The following ATP6V1A variants were observed in gnomAD, a reference collection of about 807,000 sequenced individuals.
ATP6V1A encodes V-type proton ATPase catalytic subunit A.
In ATP6V1A, 18 loss-of-function variants were observed where a neutral mutation model predicts 70.1. That is an observed-to-expected ratio of 0.26 (90% CI 0.18 to 0.38). ATP6V1A has a LOEUF of 0.38. Ranked by LOEUF, ATP6V1A falls within the 10% of genes least tolerant of loss-of-function variation. The pLI is 1.00. For missense variants in ATP6V1A, 424 were observed against 772.4 expected, an observed-to-expected ratio of 0.55 and a Z score of 5.35; for synonymous variants, 232 against 253.8, an observed-to-expected ratio of 0.91 and a Z score of 0.82.
At chr3:113,809,016 G>A (rs1274851955) in intron 14 of ATP6V1A, among the ~76,000 whole-genome samples, 1 of 151,986 alleles carries the variant, frequency 6.6e-6, no homozygotes, top group Non-Finnish European at 1.5e-5. Flanking sequence ...TTGGGAGGCC[G>A]AGGCAAGTGG....
intron 1 of ATP6V1A, among the ~76,000 whole-genome samples, chr3:113,767,514 C>T (rs532264386): frequency 6.6e-6 from 1 of 152,260 alleles, no homozygotes; most frequent in South Asian, 2.1e-4. Flanking sequence ...ATACTTGAAT[C>T]CGTACATCAG....
chr3:113,757,918 G>T (rs1708662953), intron 1 of ATP6V1A, among the ~76,000 whole-genome samples: 1 of 152,176 alleles, frequency 6.6e-6, no homozygotes, highest in Non-Finnish European at 1.5e-5. Context: ...GGCCAAGGTG[G>T]GTGGATCACG....
chr3:113,747,349 C>A lies in ATP6V1A; in HGVS notation c.-14+236C>A, dbSNP rs1708534753. 2.0e-5 allele frequency: 3 copies of A among 152,340 alleles called. No individual in the cohort carries two copies. In the South Asian group the frequency reaches 6.2e-4, roughly 32 times the overall value. 9.4% of individuals were successfully genotyped at this position (152,340 alleles called of 1,614,324 possible). On this transcript the variant is annotated intron_variant, in intron 1 of 14. Transcript: ENST00000273398. ...TTCCCAGGGTTGGAAGTGAGTGCGG[C>A]CATTATGGTTCCCTACTCAGAGCCT... is the stretch of plus-strand genomic sequence containing the variant.
At chr3:113,808,543 C>T (rs1442611320) in intron 14 of ATP6V1A, among the ~76,000 whole-genome samples, 7 of 151,992 alleles carry the variant, frequency 4.6e-5, no homozygotes, top group Admixed American at 2.0e-4. Context: ...TCGCCTGCCT[C>T]GGCCCCCCAA....
intron 14 of ATP6V1A, 41 bp downstream of exon 14, chr3:113,805,566 G>T: frequency 6.4e-7 from 1 of 1,552,040 alleles, no homozygotes; most frequent in Non-Finnish European, 8.8e-7. Context: ...ATTTGGAAAT[G>T]CTTCTTTTTT....
At chr3:113,804,367 C>T (rs1238935166) in intron 13 of ATP6V1A, among the ~76,000 whole-genome samples, 1 of 152,076 alleles carries the variant, frequency 6.6e-6, no homozygotes, top group Non-Finnish European at 1.5e-5. Context: ...CCTCATTTCC[C>T]AAGAGTCCTA....
At chr3:113,785,632 C>T (rs950001871) in intron 5 of ATP6V1A, among the ~76,000 whole-genome samples, 2 of 150,020 alleles carry the variant, frequency 1.3e-5, no homozygotes, top group Non-Finnish European at 3.0e-5. Flanking sequence ...CCTCAGCCTC[C>T]CAAGTACCTG....
intron 8 of ATP6V1A, among the ~76,000 whole-genome samples, chr3:113,790,942 T>C (rs1709085999): frequency 6.6e-6 from 1 of 152,172 alleles, no homozygotes; most frequent in Admixed American, 6.5e-5. Context: ...CCTCTTTTTT[T>C]CCTTTTGTAG....
intron 1 of ATP6V1A, among the ~76,000 whole-genome samples, chr3:113,761,130 G>A (rs1708700590): frequency 6.7e-6 from 1 of 149,026 alleles, no homozygotes; most frequent in Non-Finnish European, 1.5e-5. Flanking sequence ...TTTTGAGACA[G>A]GGTCTCACTG....
intron 14 of ATP6V1A, among the ~76,000 whole-genome samples, chr3:113,808,209 T>C (rs552787937): frequency 1.3e-5 from 2 of 150,946 alleles, no homozygotes; most frequent in African/African-American, 4.9e-5. Flanking sequence ...GTGTAGTTGG[T>C]TTTGTGCATT....
At position 113,805,555 on chromosome 3, in the gene ATP6V1A, T is replaced by C. The variant is rs200858422; in HGVS notation, c.1761+30T>C. On this transcript the variant is annotated intron_variant, in intron 14 of 14. Transcript: ENST00000273398. ...ATTTTGTTTCTGCTGTAACTTTTTT[T>C]ATTTGGAAATGCTTCTTTTTTTCTT... is the stretch of plus-strand genomic sequence containing the variant. The C allele has an allele frequency of 2.2e-3, 3,444 of 1,567,226 alleles. 15 individuals are homozygous for C. The highest frequency in any genetic ancestry group is 8.0e-3 in the Middle Eastern group (47 of 5,896).
In ATP6V1A at chr3:113,795,106, C is replaced by G. The variant is rs751189009; in HGVS notation, c.1128C>G (p.Ala376=). ...AEMPADSGYP[A]YLGARLASFY... is the part of the protein sequence containing the mutation. Reference sequence around the variant, plus strand: ...ATTTTTCAGATAGTGGATATCCAGCCTATCTTGGTGCCCGTCTGGCCTCGT... The same window carrying G: ...ATTTTTCAGATAGTGGATATCCAGCGTATCTTGGTGCCCGTCTGGCCTCGT... Residue 376 remains alanine, a synonymous_variant, in exon 10 of 15, where the codon GCC becomes GCG. Coordinates refer to ENST00000273398, the MANE Select transcript of ATP6V1A (RefSeq NM_001690.4). The G allele has an allele frequency of 1.5e-5, 24 of 1,613,910 alleles. No homozygotes were observed. The Admixed American group carries it at 3.7e-4, about 25-fold the overall frequency.
chr3:113,788,680 T>G, intron 6 of ATP6V1A, 33 bp from the exon 7 acceptor site: 1 of 1,598,630 alleles, frequency 6.3e-7, no homozygotes, highest in Non-Finnish European at 8.5e-7. Context: ...TATTAGCAAG[T>G]CAAGTAATCC....
intron 1 of ATP6V1A, among the ~76,000 whole-genome samples, chr3:113,768,406 GTTAA>G (rs571416774): frequency 8.6e-4 from 131 of 152,030 alleles, no homozygotes; most frequent in Non-Finnish European, 1.3e-3. Context: ...TGTTGTGTTG[GTTAA>G]TTGAGTGTGC....
intron 11 of ATP6V1A, 98 bp from the exon 12 acceptor site, chr3:113,798,145 A>T: frequency 1.1e-5 from 15 of 1,404,454 alleles, no homozygotes; most frequent in Non-Finnish European, 1.5e-5. Context: ...AAACAAAAAA[A>T]AAAGAATTGC....
At chr3:113,789,385 C>T (rs1372521205) in intron 7 of ATP6V1A, among the ~76,000 whole-genome samples, 1 of 151,948 alleles carries the variant, frequency 6.6e-6, no homozygotes, top group Non-Finnish European at 1.5e-5. Flanking sequence ...TTGAAAGTTT[C>T]TTTTTATGGT....
At chr3:113,778,284 C>T (rs1708938576) in intron 1 of ATP6V1A, among the ~76,000 whole-genome samples, 1 of 152,100 alleles carries the variant, frequency 6.6e-6, no homozygotes, top group African/African-American at 2.4e-5. Flanking sequence ...ATTCCAGCTA[C>T]CCTGGAGGGT....
At chr3:113,756,207 T>A (rs1708645269) in intron 1 of ATP6V1A, among the ~76,000 whole-genome samples, 1 of 152,210 alleles carries the variant, frequency 6.6e-6, no homozygotes. Flanking sequence ...TTCCAGAGAT[T>A]GCTGCCATAA....
intron 14 of ATP6V1A, among the ~76,000 whole-genome samples, chr3:113,807,337 A>T (rs1433599779): frequency 3.3e-5 from 5 of 151,270 alleles, no homozygotes; most frequent in African/African-American, 4.9e-5. Flanking sequence ...CATTCACCAC[A>T]CCCAGCTAAT....
Sources: gnomAD v4.1 joint callset for allele counts (sites outside exome capture counted in the v4.1 genomes callset) on GRCh38, gnomAD v4.1.1 for gene constraint, MANE v1.5 for transcripts, NCBI Gene and HGNC (gene_info 2026-07-23, HGNC 2026-07-21) for gene names.